The following MYZAP variants were observed in gnomAD, a reference collection of about 807,000 sequenced individuals.
The protein encoded by MYZAP is myocardial zonula adherens protein, also known as GRINL1A complex locus upstream.
In MYZAP, 66 loss-of-function variants were observed where a neutral mutation model predicts 69.4. That is an observed-to-expected ratio of 0.95 (90% confidence interval 0.78 to 1.17). The LOEUF (loss-of-function observed/expected upper bound fraction) is 1.17. Ranked by LOEUF, MYZAP falls within the 50% of genes most tolerant of loss-of-function variation. The probability of loss-of-function intolerance (pLI) is 0.00; values close to 1 mark genes in which losing one functional copy is unlikely to be tolerated. For synonymous variants in MYZAP, 256 were observed against 205.9 expected, an observed-to-expected ratio of 1.24 and a Z score of -2.09; for missense variants, 611 against 556.2, an observed-to-expected ratio of 1.10 and a Z score of -0.99.
At chr15:57,660,330 T>C (rs1191208475) in intron 10 of MYZAP, among the ~76,000 whole-genome samples, 1 of 152,208 alleles carries the variant, frequency 6.6e-6, no homozygotes, top group African/African-American at 2.4e-5. Context: ...TTTGTTTTGT[T>C]TTCAGACAGG....
At chr15:57,652,651 T>G (rs2037786969) in intron 10 of MYZAP, among the ~76,000 whole-genome samples, 1 of 152,174 alleles carries the variant, frequency 6.6e-6, no homozygotes, top group African/African-American at 2.4e-5. Context: ...GTTTACCAGA[T>G]CATAGAGGGA....
At chr15:57,652,324 C>T (rs2037768146) in intron 10 of MYZAP, among the ~76,000 whole-genome samples, 1 of 152,148 alleles carries the variant, frequency 6.6e-6, no homozygotes, top group Non-Finnish European at 1.5e-5. Context: ...TTCTTTCATG[C>T]TGCATTAGTG....
At chr15:57,667,792 C>A (rs1266036661) in intron 11 of MYZAP, among the ~76,000 whole-genome samples, 1 of 152,164 alleles carries the variant, frequency 6.6e-6, no homozygotes, top group Non-Finnish European at 1.5e-5. Flanking sequence ...GTAAGTGTTT[C>A]TGTTTAAGCA....
At chr15:57,619,158 C>A (rs1370702155) in intron 3 of MYZAP, among the ~76,000 whole-genome samples, 1 of 152,130 alleles carries the variant, frequency 6.6e-6, no homozygotes, top group Non-Finnish European at 1.5e-5. Context: ...AGATAAGATG[C>A]AAACTCATGA....
At chr15:57,642,489 C>G (rs1259081035) in intron 10 of MYZAP, among the ~76,000 whole-genome samples, 1 of 152,166 alleles carries the variant, frequency 6.6e-6, no homozygotes, top group African/African-American at 2.4e-5. Context: ...ATATAGGCAG[C>G]CTTTAAGTGT....
intron 10 of MYZAP, among the ~76,000 whole-genome samples, chr15:57,642,714 T>A (rs1226186011): frequency 6.6e-6 from 1 of 152,228 alleles, no homozygotes; most frequent in Non-Finnish European, 1.5e-5. Flanking sequence ...TCCTTGGGAA[T>A]CCTTAAATGT....
At chr15:57,617,638 T>C (rs989899291) in intron 2 of MYZAP, among the ~76,000 whole-genome samples, 1 of 152,148 alleles carries the variant, frequency 6.6e-6, no homozygotes, top group Non-Finnish European at 1.5e-5. Context: ...ACCTTGTGCA[T>C]TGTATTTAGT....
At chr15:57,612,861 A>G (rs1434802054) in intron 2 of MYZAP, among the ~76,000 whole-genome samples, 1 of 152,210 alleles carries the variant, frequency 6.6e-6, no homozygotes, top group African/African-American at 2.4e-5. Context: ...TGTTGGGAGT[A>G]TGGAATGCCC....
At chr15:57,683,812 G>A (rs1252276285) in intron 12 of MYZAP, among the ~76,000 whole-genome samples, 3 of 148,472 alleles carry the variant, frequency 2.0e-5, no homozygotes, top group Admixed American at 1.3e-4. Flanking sequence ...TTTTTTTTTT[G>A]AGATGGAATT....
Position 57,634,151 on chromosome 15 carries a change from G to T in MYZAP, c.933+410G>T, listed in dbSNP as rs772048760. Among the ~76,000 whole-genome samples, 4 of 152,040 alleles carry T rather than the reference G, an allele frequency of 2.6e-5. No homozygotes were observed. The South Asian group carries it at 6.2e-4, about 24-fold the overall frequency. On this transcript the variant is annotated intron_variant, in intron 8 of 12. Coordinates refer to ENST00000267853, the MANE Select transcript of MYZAP (RefSeq NM_001018100.5). ...GCTGGGGACTTGAGAGAGTAGGGAG[G>T]CCCCATTTCTCTAGGTGTTGTAAGC...
At chr15:57,651,433 C>T (rs1004313714) in intron 10 of MYZAP, among the ~76,000 whole-genome samples, 5 of 152,146 alleles carry the variant, frequency 3.3e-5, no homozygotes, top group African/African-American at 1.2e-4. Flanking sequence ...AGAATTAGGG[C>T]CCCAGCAGAT....
chr15:57,595,053 G>A (rs567619496), intron 1 of MYZAP, among the ~76,000 whole-genome samples: 2 of 152,316 alleles, frequency 1.3e-5, no homozygotes, highest in East Asian at 3.9e-4. Context: ...AAGTGGTGGT[G>A]ACAGCTGACA....
At chr15:57,667,578 G>A (rs1430251360) in intron 11 of MYZAP, among the ~76,000 whole-genome samples, 1 of 152,192 alleles carries the variant, frequency 6.6e-6, no homozygotes, top group Admixed American at 6.5e-5. Context: ...TATTCTGCAA[G>A]ACTAAGAAGG....
intron 10 of MYZAP, chr15:57,648,453 A>T (rs1254269839): frequency 1.0e-6 from 1 of 985,394 alleles, no homozygotes; most frequent in Non-Finnish European, 1.2e-6. Flanking sequence ...CCAGTCACGA[A>T]TGCTTCTCTC....
chr15:57,643,314 C>G (rs1038977565), intron 10 of MYZAP, among the ~76,000 whole-genome samples: 3 of 152,192 alleles, frequency 2.0e-5, no homozygotes, highest in African/African-American at 4.8e-5. Context: ...ACGGATCTTA[C>G]CCACTGGTGT....
chr15:57,646,157 C>T (rs549403051), intron 10 of MYZAP: 1 of 1,289,382 alleles, frequency 7.8e-7, no homozygotes, highest in East Asian at 5.6e-5. Flanking sequence ...ACGAGCTCTT[C>T]TCCAGATTTA....
intron 2 of MYZAP, among the ~76,000 whole-genome samples, chr15:57,610,941 C>G (rs1171424628): frequency 6.6e-6 from 1 of 152,110 alleles, no homozygotes; most frequent in African/African-American, 2.4e-5. Flanking sequence ...GCTGTCAGAG[C>G]CACTTTGACA....
chr15:57,684,577 C>A lies in MYZAP; in HGVS notation c.*79C>A. 1 of 886,470 alleles carries A rather than the reference C, an allele frequency of 1.1e-6. No individual in the cohort carries two copies. 54.9% of individuals were successfully genotyped at this position (886,470 alleles called of 1,614,324 possible). A position where few individuals can be genotyped will look rare whatever the true frequency, so the allele number is the denominator to read the frequency against. ...GCTTCAAATCCTTTGGGAAGGGTGA[C>A]TGTTGTTTCCCCTACACACAGTGTA... On this transcript the variant is annotated 3_prime_UTR_variant, in exon 13 of 13. Coordinates refer to ENST00000267853, the MANE Select transcript of MYZAP (RefSeq NM_001018100.5).
chr15:57,610,067 G>A (rs181791326), intron 2 of MYZAP, among the ~76,000 whole-genome samples: 86 of 152,182 alleles, frequency 5.7e-4, no homozygotes, highest in African/African-American at 1.8e-3. Context: ...TCTTTATGAT[G>A]GTAAAGTCCT....
Sources: gnomAD v4.1 joint callset for allele counts (sites outside exome capture counted in the v4.1 genomes callset) on GRCh38, gnomAD v4.1.1 for gene constraint, MANE v1.5 for transcripts, NCBI Gene and HGNC (gene_info 2026-07-23, HGNC 2026-07-21) for gene names.